INTS2: variants seen among roughly 807,000 people sequenced by gnomAD.
The protein encoded by INTS2 is KIAA1287.
INTS2 carries 57 observed loss-of-function variants against 139.6 expected under a neutral mutation model. The observed-to-expected ratio is 0.41, with a 90% confidence interval of 0.33 to 0.51. The LOEUF (loss-of-function observed/expected upper bound fraction) is 0.51. Among genes scored for constraint, INTS2 ranks in the 20% least tolerant of loss-of-function variants. The pLI is 0.28. For missense variants in INTS2, 1,196 were observed against 1,436.7 expected, an observed-to-expected ratio of 0.83 and a Z score of 2.71; for synonymous variants, 473 against 493.4, an observed-to-expected ratio of 0.96 and a Z score of 0.55.
chr17:61,895,006 T>A (rs1238845521), intron 12 of INTS2, among the ~76,000 whole-genome samples: 2 of 152,168 alleles, frequency 1.3e-5, no homozygotes, highest in Non-Finnish European at 2.9e-5. Context: ...TTTATCTTTC[T>A]CCAGACACAT....
At chr17:61,887,252 G>A (rs2079237972) in intron 15 of INTS2, among the ~76,000 whole-genome samples, 1 of 152,012 alleles carries the variant, frequency 6.6e-6, no homozygotes. Flanking sequence ...GGAGGCCAAG[G>A]TGGGTGGATG....
intron 7 of INTS2, chr17:61,911,251 A>G (rs983908515): frequency 4.6e-6 from 2 of 437,480 alleles, no homozygotes; most frequent in Admixed American, 4.0e-5. Flanking sequence ...ATACCAACAC[A>G]CCAGCTGTTC....
At position 61,908,502 on chromosome 17, in the gene INTS2, T is replaced by C. The variant is rs116616618; in HGVS notation, c.955-868A>G. Reference sequence around the variant, plus strand: ...CTTAGTCTTCTCTCACTCTGCACAGTCGAACATTGTGCCTAACATACAGCA... The same window carrying C: ...CTTAGTCTTCTCTCACTCTGCACAGCCGAACATTGTGCCTAACATACAGCA... On this transcript the variant is annotated intron_variant, in intron 7 of 24. Transcript: ENST00000251334. Among the ~76,000 whole-genome samples, 570 of 152,314 alleles carry C rather than the reference T, an allele frequency of 3.7e-3. 2 individuals carry two copies. The highest frequency in any genetic ancestry group is 0.012 in the African/African-American group (518 of 41,590).
rs762449523 is a variant in INTS2, at chr17:61,911,940, C to T, written c.780G>A (p.Val260=). The change falls in exon 6 of 25, where the codon GTG becomes GTA. Residue 260 remains valine, a splice_region_variant and synonymous_variant. Transcript: ENST00000251334. ...PSQALKVRGM[V]VEECHLPGLG... The stretch of plus-strand genomic sequence containing the variant: ...TCTAATAAAACACAGGATCACTTAC[C>T]ACCATGCCTCGGACCTTGAGGGCCT... The T allele has an allele frequency of 8.2e-5, 132 of 1,611,070 alleles. No individual in the cohort carries two copies. The highest frequency in any genetic ancestry group is 1.1e-4 in the Non-Finnish European group (127 of 1,179,174).
chr17:61,905,307 C>T (rs1210791689), intron 8 of INTS2, among the ~76,000 whole-genome samples: 2 of 151,900 alleles, frequency 1.3e-5, no homozygotes, highest in African/African-American at 2.4e-5. Flanking sequence ...ATATTAGAAA[C>T]ATTGGGAATT....
In INTS2 at chr17:61,904,453, TA is replaced by T; in HGVS notation, c.1307+6del. 6.3e-7 allele frequency: 1 copy of T among 1,590,164 alleles called. No homozygotes were observed. The highest frequency in any genetic ancestry group is 8.6e-7 in the Non-Finnish European group (1 of 1,164,460). On this transcript the variant is annotated splice_donor_region_variant and intron_variant, in intron 9 of 24. Coordinates refer to ENST00000251334, the MANE Select transcript of INTS2 (RefSeq NM_001351695.2). Reference sequence around the variant, plus strand: ...GAGAAAATGGAGCAACTTATATAGTTAGGTACCTGACAAGTGTAGAAAAGGC... The same window carrying T: ...GAGAAAATGGAGCAACTTATATAGTTGGTACCTGACAAGTGTAGAAAAGGC...
At chr17:61,892,073 T>G (rs922426983) in intron 13 of INTS2, among the ~76,000 whole-genome samples, 1 of 152,108 alleles carries the variant, frequency 6.6e-6, no homozygotes, top group African/African-American at 2.4e-5. Flanking sequence ...AACCCTCAGA[T>G]AGACTAAGAA....
intron 5 of INTS2, among the ~76,000 whole-genome samples, chr17:61,917,461 ATCATG>A (rs1487016635): frequency 2.0e-5 from 3 of 152,238 alleles, no homozygotes; most frequent in African/African-American, 7.2e-5. Flanking sequence ...AAAGAATGAA[ATCATG>A]TCCTTTGCCG....
Position 61,888,564 on chromosome 17 carries a change from C to CGTGCGTGCGTGTGT in INTS2, c.1984+1221_1984+1222insACACACGCACGCAC, listed in dbSNP as rs755542102. On this transcript the variant is annotated intron_variant, in intron 15 of 24. Transcript: ENST00000251334. The stretch of plus-strand genomic sequence containing the variant: ...TTCTCTGTGTGCGTGTGTGTGCGTG[C>CGTGCGTGCGTGTGT]GTGTGTGTGTGTGTGTGTGTGTGTG... Among the ~76,000 whole-genome samples the CGTGCGTGCGTGTGT allele has an allele frequency of 6.6e-3, 792 of 119,652 alleles. 12 individuals carry two copies. Among genetic ancestry groups the CGTGCGTGCGTGTGT allele is most frequent in the African/African-American group, 0.021 (745 of 34,944 alleles). The allele number at this position is 119,652 out of a possible 152,430, so 78.5% of individuals were successfully genotyped here. A position where few individuals can be genotyped will look rare whatever the true frequency, so the allele number is the denominator to read the frequency against.
chr17:61,872,485 A>G lies in INTS2; in HGVS notation c.2583-25T>C. On this transcript the variant is annotated intron_variant, in intron 19 of 24. Coordinates refer to ENST00000251334, the MANE Select transcript of INTS2 (RefSeq NM_001351695.2). This position sits in a 1 kb window ranked among gnomAD's most constrained non-coding sequence, Gnocchi z 4.8. ...TCTAAACAAGGAAAGCAGAAAAGAA[A>G]AATATATCAGAAAGAATATAAATTT... 1 of 1,422,462 alleles carries G rather than the reference A, an allele frequency of 7.0e-7. No individual in the cohort carries two copies. Among genetic ancestry groups the G allele is most frequent in the Non-Finnish European group, 9.6e-7 (1 of 1,039,856 alleles). The allele number at this position is 1,422,462 out of a possible 1,614,324, so 88.1% of individuals were successfully genotyped here. A position where few individuals can be genotyped will look rare whatever the true frequency, so the allele number is the denominator to read the frequency against.
intron 5 of INTS2, among the ~76,000 whole-genome samples, chr17:61,917,127 A>G (rs1207145972): frequency 6.6e-6 from 1 of 152,200 alleles, no homozygotes; most frequent in East Asian, 1.9e-4. Flanking sequence ...TTAAAAAGTC[A>G]AAAAATAATA....
chr17:61,872,243 AT>A lies in INTS2; in HGVS notation c.2778+21del. Reference sequence around the variant, plus strand: ...AGAAGCCCTTGCTCTTTTTGACTAAATTTTACTTTAGCAAAATTTACCTGAG... The same window carrying A: ...AGAAGCCCTTGCTCTTTTTGACTAAATTTACTTTAGCAAAATTTACCTGAG... On this transcript the variant is annotated intron_variant, in intron 20 of 24. Coordinates refer to ENST00000251334, the MANE Select transcript of INTS2 (RefSeq NM_001351695.2). This position sits in a 1 kb window ranked among gnomAD's most constrained non-coding sequence, Gnocchi z 4.8. The A allele has an allele frequency of 1.3e-6, 2 of 1,593,762 alleles. No homozygotes were observed. Among genetic ancestry groups the A allele is most frequent in the Non-Finnish European group, 1.7e-6 (2 of 1,165,890 alleles).
chr17:61,898,915 AAATTTT>A (rs1322589588), intron 9 of INTS2, among the ~76,000 whole-genome samples: 1 of 152,218 alleles, frequency 6.6e-6, no homozygotes. Flanking sequence ...CACCCGGTCT[AAATTTT>A]AATTGAAAAG....
chr17:61,924,835 A>C (rs2079692104), intron 3 of INTS2, 126 bp downstream of exon 3: 1 of 950,490 alleles, frequency 1.1e-6, no homozygotes, highest in Non-Finnish European at 1.6e-6. Context: ...GTCTCCAAAA[A>C]AAAAGAACAA....
At chr17:61,900,052 A>T (rs1177884000) in intron 9 of INTS2, among the ~76,000 whole-genome samples, 1 of 152,138 alleles carries the variant, frequency 6.6e-6, no homozygotes, top group Non-Finnish European at 1.5e-5. Context: ...CATTAAAGGG[A>T]TTTTCTTAAA....
At position 61,871,356 on chromosome 17, in the gene INTS2, A is replaced by G. The variant is rs2079087173; in HGVS notation, c.2778+909T>C. 6.6e-6 allele frequency among the ~76,000 whole-genome samples: 1 copy of G among 152,120 alleles called. No homozygotes were observed. Among genetic ancestry groups the G allele is most frequent in the South Asian group, 2.1e-4 (1 of 4,820 alleles). ...GGCTGGTCTCAAAACTCCTGAACTC[A>G]GGTGATCCACCCACCTCAGCCACCC... On this transcript the variant is annotated intron_variant, in intron 20 of 24. Transcript: ENST00000251334. The surrounding 1 kb of genome is among the most constrained non-coding windows in gnomAD (Gnocchi z 4.9).
rs1438417380 is a variant in INTS2, at chr17:61,868,147, T to C, written c.3245-138A>G. The C allele has an allele frequency of 1.7e-6, 1 of 605,630 alleles. No individual in the cohort carries two copies. The highest frequency in any genetic ancestry group is 2.7e-6 in the Non-Finnish European group (1 of 371,410). The allele number at this position is 605,630 out of a possible 1,614,324, so 37.5% of individuals were successfully genotyped here. A position where few individuals can be genotyped will look rare whatever the true frequency, so the allele number is the denominator to read the frequency against. On this transcript the variant is annotated intron_variant, in intron 23 of 24. Transcript: ENST00000251334. The surrounding 1 kb of genome is among the most constrained non-coding windows in gnomAD (Gnocchi z 4.7). ...CACAGCCAACCCGTCTTCAGAAAGC[T>C]CACAATCTAGTAGTCTCAGTCTTTA...
In INTS2 at chr17:61,897,330, C is replaced by T; in HGVS notation, c.1494+139G>A. ...TTTAGTAAATACAGGTTTCAAAATG[C>T]ATTTTTCTAAGCGCTCTTGATAAAA... On this transcript the variant is annotated intron_variant, in intron 11 of 24. Transcript: ENST00000251334. The surrounding 1 kb of genome is among the most constrained non-coding windows in gnomAD (Gnocchi z 4.4). The T allele has an allele frequency of 7.2e-6, 4 of 558,584 alleles. No individual in the cohort carries two copies. Among genetic ancestry groups the T allele is most frequent in the Non-Finnish European group, 1.2e-5 (4 of 320,022 alleles). 34.6% of individuals were successfully genotyped at this position (558,584 alleles called of 1,614,324 possible). A position where few individuals can be genotyped will look rare whatever the true frequency, so the allele number is the denominator to read the frequency against.
chr17:61,907,502 C>A lies in INTS2; in HGVS notation c.1087G>T (p.Val363Leu). The A allele has an allele frequency of 6.2e-7, 1 of 1,601,742 alleles. No individual in the cohort carries two copies. Among genetic ancestry groups the A allele is most frequent in the Middle Eastern group, 1.7e-4 (1 of 6,052 alleles). Residue 363 changes from valine to leucine, a missense_variant, in exon 8 of 25, where the codon GTG becomes TTG. Physicochemically the swap from Val to Leu is conservative, Grantham distance 32 (BLOSUM62 1). Coordinates refer to ENST00000251334, the MANE Select transcript of INTS2 (RefSeq NM_001351695.2). ...EEADVDMEPNVSVYSGLKEEH... is the reference protein window; with the variant it reads ...EEADVDMEPNLSVYSGLKEEH... The stretch of plus-strand genomic sequence containing the variant: ...TCTTTCAGCCCCGAATACACAGACA[C>A]ATTGGGCTCCATATCCACATCAGCT...
Sources: allele counts gnomAD v4.1 joint callset (sites outside exome capture counted in the v4.1 genomes callset), GRCh38; gene constraint gnomAD v4.1.1; non-coding constraint Gnocchi (gnomAD v3.1); transcripts MANE v1.5; gene names NCBI Gene and HGNC (gene_info 2026-07-23, HGNC 2026-07-21).